MED1: variants seen among roughly 807,000 people sequenced by gnomAD.
The protein encoded by MED1 is mediator complex subunit 1.
A neutral mutation model predicts 121.3 loss-of-function variants in MED1; 17 were observed. That is an observed-to-expected ratio of 0.14 (90% CI 0.10 to 0.21). The LOEUF (loss-of-function observed/expected upper bound fraction) is 0.21, where lower values mean the gene tolerates loss of function less well. Among genes scored for constraint, MED1 ranks in the 10% least tolerant of loss-of-function variants. The probability of loss-of-function intolerance (pLI) is 1.00; values close to 1 mark genes in which losing one functional copy is unlikely to be tolerated. For synonymous variants in MED1, 661 were observed against 694.4 expected, an observed-to-expected ratio of 0.95 and a Z score of 0.76; for missense variants, 1,558 against 1,919.4, an observed-to-expected ratio of 0.81 and a Z score of 3.52.
Position 39,440,571 on chromosome 17 carries a change from AC to A in MED1, c.266+51del. On this transcript the variant is annotated intron_variant, in intron 4 of 16. Coordinates refer to ENST00000300651, the MANE Select transcript of MED1 (RefSeq NM_004774.4). The surrounding 1 kb of genome is among the most constrained non-coding windows in gnomAD (Gnocchi z 4.1). ...TAATAGAAGACACATAAATAAAGCC[AC>A]CCAAAGTTAACACTAAGTTAAACAT... 2.5e-6 allele frequency: 4 copies of A among 1,612,492 alleles called. No individual in the cohort carries two copies. In the Admixed American group the frequency reaches 5.0e-5, roughly 20 times the overall value.
chr17:39,406,684 G>A lies in MED1; in HGVS notation c.*791C>T. 1.6e-5 allele frequency: 16 copies of A among 983,192 alleles called. No homozygotes were observed. Among genetic ancestry groups the A allele is most frequent in the Non-Finnish European group, 1.9e-5 (16 of 829,358 alleles). 60.9% of individuals were successfully genotyped at this position (983,192 alleles called of 1,614,324 possible). On this transcript the variant is annotated 3_prime_UTR_variant, in exon 17 of 17. Coordinates refer to ENST00000300651, the MANE Select transcript of MED1 (RefSeq NM_004774.4). Reference sequence around the variant, plus strand: ...CCTCCTAAAATAAAAATATCATTTTGGTTTTTCTATTATATTTAACTCTAA... The same window carrying A: ...CCTCCTAAAATAAAAATATCATTTTAGTTTTTCTATTATATTTAACTCTAA...
chr17:39,415,619 T>G (rs903258539), intron 14 of MED1, among the ~76,000 whole-genome samples: 1 of 152,162 alleles, frequency 6.6e-6, no homozygotes, highest in African/African-American at 2.4e-5. Context: ...GAGACAAGCC[T>G]GACCAACATG....
In MED1 at chr17:39,440,513, C is replaced by G; in HGVS notation, c.272G>C (p.Gly91Ala). The change falls in exon 5 of 17, where the codon GGC (glycine) becomes GCC (alanine). Residue 91 changes from glycine (G) to alanine (A), a missense_variant. Gly to Ala is a moderately conservative substitution (Grantham distance 60, BLOSUM62 0). Transcript: ENST00000300651. The surrounding 1 kb of genome is among the most constrained non-coding windows in gnomAD (Gnocchi z 4.1). Reference sequence around the variant, plus strand: ...AGTGCCACTGGCACTGAGATGAGAGCCCAGTCTAGCAGGAACAAATCAAAA... The same window carrying G: ...AGTGCCACTGGCACTGAGATGAGAGGCCAGTCTAGCAGGAACAAATCAAAA... ...LESIARQNGL[G>A]SHLSASGTEC... 6.2e-7 allele frequency: 1 copy of G among 1,611,086 alleles called. No individual in the cohort carries two copies. The highest frequency in any genetic ancestry group is 8.5e-7 in the Non-Finnish European group (1 of 1,179,408).
Position 39,407,721 on chromosome 17 carries a change from G to T in MED1, c.4500C>A (p.His1500Gln). 1 of 1,613,830 alleles carries T rather than the reference G, an allele frequency of 6.2e-7. No individual in the cohort carries two copies. Among genetic ancestry groups the T allele is most frequent in the Non-Finnish European group, 8.5e-7 (1 of 1,179,952 alleles). The change falls in exon 17 of 17, where the codon CAC (histidine) becomes CAA (glutamine). Residue 1500 changes from histidine to glutamine, a missense_variant. By Grantham distance (24) the His-to-Gln change is conservative. Around this residue, in one of 5 missense-constraint regions of MED1, gnomAD observed 264 missense variants for 326.1 expected, o/e 0.81. Coordinates refer to ENST00000300651, the MANE Select transcript of MED1 (RefSeq NM_004774.4). ...PEYSTEKHKK[H>Q]KKEKKKVKDK... ...CTTTTACTTTCTTCTTTTCCTTTTT[G>T]TGCTTCTTATGTTTCTCTGTGCTGT... is the stretch of plus-strand genomic sequence containing the variant.
At position 39,405,329 on chromosome 17, in the gene MED1, G is replaced by A. The variant is rs2048294929; in HGVS notation, c.*2146C>T. 2 of 1,598,760 alleles carry A rather than the reference G, an allele frequency of 1.3e-6. No homozygotes were observed. The highest frequency in any genetic ancestry group is 1.7e-6 in the Non-Finnish European group (2 of 1,172,896). On this transcript the variant is annotated 3_prime_UTR_variant, in exon 17 of 17. Coordinates refer to ENST00000300651, the MANE Select transcript of MED1 (RefSeq NM_004774.4). ...TTGATCTGGGATGAAGACAGAAAGA[G>A]AGAAAAGCTTCCCAGTTTACTCATT...
In MED1 at chr17:39,405,566, AACATC is replaced by A; in HGVS notation, c.*1904_*1908del. 1 of 1,318,694 alleles carries A rather than the reference AACATC, an allele frequency of 7.6e-7. No individual in the cohort carries two copies. The highest frequency in any genetic ancestry group is 9.7e-7 in the Non-Finnish European group (1 of 1,031,846). The allele number at this position is 1,318,694 out of a possible 1,614,324, so 81.7% of individuals were successfully genotyped here. A position where few individuals can be genotyped will look rare whatever the true frequency, so the allele number is the denominator to read the frequency against. On this transcript the variant is annotated 3_prime_UTR_variant, in exon 17 of 17. Coordinates refer to ENST00000300651, the MANE Select transcript of MED1 (RefSeq NM_004774.4). ...ATGTCTGAGAGGCTGCTACTGTATCAACATCACAAGATAAAGCACTCTGGTATCAC... is the reference window on the plus strand; with the variant it reads ...ATGTCTGAGAGGCTGCTACTGTATCAACAAGATAAAGCACTCTGGTATCAC...
At chr17:39,442,457 C>T (rs1202712658) in intron 3 of MED1, among the ~76,000 whole-genome samples, 2 of 150,322 alleles carry the variant, frequency 1.3e-5, no homozygotes, top group South Asian at 2.1e-4. Flanking sequence ...ATTAGCCAGG[C>T]GTGGTGGGAC....
chr17:39,414,634 CTTTTTTTTTTTTTTTTTTTTTTTTTTT>C (rs55829399), intron 16 of MED1, among the ~76,000 whole-genome samples: 22 of 61,558 alleles, frequency 3.6e-4, no homozygotes, highest in East Asian at 1.8e-3. Flanking sequence ...CAGGCCCGGC[CTTTTTTTTTTTTTTTTTTTTTTTTTTT>C]TTTTTTTTTT....
intron 16 of MED1, among the ~76,000 whole-genome samples, chr17:39,411,347 G>A (rs1341203849): frequency 2.0e-5 from 3 of 151,756 alleles, no homozygotes; most frequent in Non-Finnish European, 2.9e-5. Context: ...TAGGTCGGGC[G>A]CGGTGGCTCA....
chr17:39,439,010 A>T (rs1410768200), intron 6 of MED1, among the ~76,000 whole-genome samples, 155 bp downstream of exon 6: 1 of 152,194 alleles, frequency 6.6e-6, no homozygotes, highest in Non-Finnish European at 1.5e-5. Flanking sequence ...ATGCTATGTC[A>T]ATTCAGGACG....
intron 7 of MED1, among the ~76,000 whole-genome samples, 170 bp downstream of exon 7, chr17:39,434,079 T>G (rs1020461944): frequency 6.6e-6 from 1 of 152,146 alleles, no homozygotes; most frequent in Non-Finnish European, 1.5e-5. Context: ...TGCTGCCTAT[T>G]GAAGATATCT....
At position 39,410,700 on chromosome 17, in the gene MED1, C is replaced by A. The variant is rs962979602; in HGVS notation, c.1521G>T (p.Thr507=). The change falls in exon 17 of 17, where the codon ACG becomes ACT. Residue 507 remains threonine, a synonymous_variant. Coordinates refer to ENST00000300651, the MANE Select transcript of MED1 (RefSeq NM_004774.4). ...CAGCTTTCCTCCGAATAGCCCTCAT[C>A]GTCACAGGGATGGACATACATCTGC... The part of the protein sequence containing the change: ...VVQRCMSIPV[T]MRAIRRKAET... 1 of 1,611,204 alleles carries A rather than the reference C, an allele frequency of 6.2e-7. No individual in the cohort carries two copies. The highest frequency in any genetic ancestry group is 8.5e-7 in the Non-Finnish European group (1 of 1,177,840).
At position 39,407,620 on chromosome 17, in the gene MED1, G is replaced by C. The variant is rs778980955; in HGVS notation, c.4601C>G (p.Ser1534Cys). Reference protein sequence around the residue: ...KSHSIKPESWSKSPISSDQSL... With the variant: ...KSHSIKPESWCKSPISSDQSL... ...CTGGTCTGAAGAGATGGGTGATTTG[G>C]ACCAACTCTCTGGCTTGATGCTATG... Residue 1534 changes from serine to cysteine, a missense_variant, in exon 17 of 17, where the codon TCC (serine) becomes TGC (cysteine). This residue lies in a region of MED1 where 264 missense variants were observed against 326.1 expected (regional missense o/e 0.81). Transcript: ENST00000300651. 11 of 1,614,032 alleles carry C rather than the reference G, an allele frequency of 6.8e-6. No homozygotes were observed. Among genetic ancestry groups the C allele is most frequent in the Non-Finnish European group, 9.3e-6 (11 of 1,180,010 alleles).
chr17:39,423,776 A>C lies in MED1; in HGVS notation c.897T>G (p.Leu299=). The C allele has an allele frequency of 3.1e-6, 5 of 1,613,946 alleles. No individual in the cohort carries two copies. Among genetic ancestry groups the C allele is most frequent in the Non-Finnish European group, 4.2e-6 (5 of 1,179,924 alleles). Residue 299 remains leucine (L), a synonymous_variant, in exon 12 of 17, where the codon CTT becomes CTG. Coordinates refer to ENST00000300651, the MANE Select transcript of MED1 (RefSeq NM_004774.4). ...SSITSANSVD[L]PACFFLKFPQ... ...GAAATTTCAAGAAGAAACAGGCAGGAAGATCAACACTGTTGGCACTGGTGA... is the reference window on the plus strand; with the variant it reads ...GAAATTTCAAGAAGAAACAGGCAGGCAGATCAACACTGTTGGCACTGGTGA...
At chr17:39,436,621 A>C (rs1471237108) in intron 6 of MED1, among the ~76,000 whole-genome samples, 1 of 152,170 alleles carries the variant, frequency 6.6e-6, no homozygotes, top group East Asian at 1.9e-4. Context: ...CAAGCCTAGC[A>C]CTTTTACTGT....
Position 39,410,169 on chromosome 17 carries a change from G to A in MED1, c.2052C>T (p.Ser684=). 23 of 1,614,072 alleles carry A rather than the reference G, an allele frequency of 1.4e-5. No homozygotes were observed. Among genetic ancestry groups the A allele is most frequent in the Non-Finnish European group, 1.9e-5 (23 of 1,180,022 alleles). ...GSPRMEICSG[S]NKTKKKKSSR... Reference sequence around the variant, plus strand: ...ATGACTTCTTTTTCTTGGTCTTGTTGCTCCCCGAGCATATTTCCATGCGGG... The same window carrying A: ...ATGACTTCTTTTTCTTGGTCTTGTTACTCCCCGAGCATATTTCCATGCGGG... The change falls in exon 17 of 17, where the codon AGC becomes AGT. Residue 684 remains serine, a synonymous_variant. Transcript: ENST00000300651.
Position 39,415,334 on chromosome 17 carries a change from G to A in MED1, c.1303C>T (p.Pro435Ser). 6.2e-7 allele frequency: 1 copy of A among 1,611,012 alleles called. No individual in the cohort carries two copies. Among genetic ancestry groups the A allele is most frequent in the East Asian group, 2.2e-5 (1 of 44,854 alleles). ...CACACTTCAAATTGGAGAAGCCCAG[G>A]AGAATCTAAAAGGCAAAGAGAAAGA... ...VKRTILKEDS[P>S]GLLQFEVCPL... The change falls in exon 15 of 17, where the codon CCT becomes TCT. Residue 435 changes from proline to serine, a missense_variant. Physicochemically the swap from Pro to Ser is moderately conservative, Grantham distance 74. Around this residue, in one of 5 missense-constraint regions of MED1, gnomAD observed 443 missense variants for 532.4 expected, o/e 0.83. Transcript: ENST00000300651.
At chr17:39,432,106 G>GCTGA (rs1326211772) in intron 7 of MED1, 90 bp from the exon 8 acceptor site, 1 of 868,004 alleles carries the variant, frequency 1.2e-6, no homozygotes, top group African/African-American at 1.7e-5. Flanking sequence ...ACCTTGGGAG[G>GCTGA]CTGAGGCGGG....
chr17:39,415,370 A>G lies in MED1; in HGVS notation c.1298-31T>C, dbSNP rs376292826. On this transcript the variant is annotated intron_variant, in intron 14 of 16. Transcript: ENST00000300651. ...AGGCAAAGAGAAAGATCATAAAACA[A>G]CCAAATATAAGACTTCACACAGGCT... 9.6e-5 allele frequency: 150 copies of G among 1,565,404 alleles called. No homozygotes were observed. The African/African-American group carries it at 1.8e-3, about 19-fold the overall frequency.
Sources: gnomAD v4.1 joint callset for allele counts (sites outside exome capture counted in the v4.1 genomes callset) on GRCh38, gnomAD v4.1.1 for gene constraint, gnomAD v4.1.1 regional missense constraint, Gnocchi (gnomAD v3.1) non-coding constraint, MANE v1.5 for transcripts, NCBI Gene and HGNC (gene_info 2026-07-23, HGNC 2026-07-21) for gene names.